CDH4: variants seen among roughly 807,000 people sequenced by gnomAD.
CDH4 encodes cadherin 4.
CDH4 carries 33 observed loss-of-function variants against 86.0 expected under a neutral mutation model. That is an observed-to-expected ratio of 0.38 (90% CI 0.29 to 0.51). CDH4 has a LOEUF of 0.51. CDH4 is among the 20% of genes least tolerant of loss of function. The probability of loss-of-function intolerance (pLI) is 0.86; values close to 1 mark genes in which losing one functional copy is unlikely to be tolerated. For synonymous variants in CDH4, 555 were observed against 549.4 expected (o/e 1.01, Z -0.14); for missense variants, 1,114 against 1,307.4 (o/e 0.85, Z 2.28).
intron 2 of CDH4, among the ~76,000 whole-genome samples, chr20:61,574,823 A>G (rs2086370687): frequency 6.6e-6 from 1 of 152,176 alleles, no homozygotes; most frequent in South Asian, 2.1e-4. Flanking sequence ...TTCTCATAGA[A>G]GTGCCAGCTG....
At chr20:61,787,094 T>A (rs1349474993) in intron 4 of CDH4, among the ~76,000 whole-genome samples, 9 of 148,232 alleles carry the variant, frequency 6.1e-5, no homozygotes, top group Admixed American at 5.4e-4. Flanking sequence ...TATCCATCCA[T>A]CCATCATCCA....
At chr20:61,734,844 G>A (rs776438329) in intron 2 of CDH4, among the ~76,000 whole-genome samples, 5 of 152,236 alleles carry the variant, frequency 3.3e-5, no homozygotes, top group Non-Finnish European at 7.3e-5. Context: ...ACAGTCACAC[G>A]AATCAACCTG....
At chr20:61,629,604 A>G (rs981969752) in intron 2 of CDH4, among the ~76,000 whole-genome samples, 5 of 152,242 alleles carry the variant, frequency 3.3e-5, no homozygotes, top group Non-Finnish European at 5.9e-5. Context: ...TTGATCTTCC[A>G]GTGACAGGGA....
intron 2 of CDH4, among the ~76,000 whole-genome samples, chr20:61,724,075 G>A (rs1299089887): frequency 1.4e-5 from 2 of 142,108 alleles, no homozygotes; most frequent in African/African-American, 2.7e-5. Flanking sequence ...GGCTCCATGC[G>A]GCAGGGCGGG....
At chr20:61,672,784 C>G (rs984081560) in intron 2 of CDH4, among the ~76,000 whole-genome samples, 1 of 151,992 alleles carries the variant, frequency 6.6e-6, no homozygotes, top group Non-Finnish European at 1.5e-5. Context: ...GGGAACCCGA[C>G]GGGGCTCAAG....
intron 2 of CDH4, among the ~76,000 whole-genome samples, chr20:61,572,444 C>T (rs1440818584): frequency 1.3e-5 from 2 of 152,126 alleles, no homozygotes; most frequent in African/African-American, 4.8e-5. Flanking sequence ...GCCTGGGGTG[C>T]AGTCAGCACG....
chr20:61,713,467 C>T lies in CDH4; in HGVS notation c.170-30096C>T, dbSNP rs148025438. ...TTTAAAGGCACTTTGGACACGTGTT[C>T]GTGGGGAAATCTTGGAATTCATCAT... is the stretch of plus-strand genomic sequence containing the variant. On this transcript the variant is annotated intron_variant, in intron 2 of 15. Transcript: ENST00000614565. Among the ~76,000 whole-genome samples the T allele has an allele frequency of 8.5e-5, 13 of 152,334 alleles. No homozygotes were observed. The East Asian group carries it at 2.1e-3, about 25-fold the overall frequency.
intron 4 of CDH4, among the ~76,000 whole-genome samples, chr20:61,813,196 G>T (rs1036428946): frequency 6.6e-6 from 1 of 152,156 alleles, no homozygotes; most frequent in African/African-American, 2.4e-5. Flanking sequence ...ATTGTGGTGG[G>T]GTGACCAGTT....
At chr20:61,410,913 TCATC>T (rs2085115570) in intron 2 of CDH4, among the ~76,000 whole-genome samples, 1 of 151,272 alleles carries the variant, frequency 6.6e-6, no homozygotes, top group African/African-American at 2.4e-5. Flanking sequence ...ATTCATCCAG[TCATC>T]CATCCATTCA....
intron 2 of CDH4, among the ~76,000 whole-genome samples, chr20:61,478,704 T>A (rs573087079): frequency 1.3e-5 from 2 of 152,320 alleles, no homozygotes; most frequent in African/African-American, 4.8e-5. Flanking sequence ...CAGCAAGAGA[T>A]CACGGTGACG....
intron 9 of CDH4, among the ~76,000 whole-genome samples, chr20:61,919,906 TC>T (rs1171994825): frequency 5.0e-4 from 2 of 4,040 alleles, no homozygotes; most frequent in Non-Finnish European, 1.3e-3. Flanking sequence ...AAGCATGGTA[TC>T]GTGATTATGT....
At chr20:61,899,941 C>G (rs541214388) in intron 8 of CDH4, among the ~76,000 whole-genome samples, 1 of 152,320 alleles carries the variant, frequency 6.6e-6, no homozygotes, top group South Asian at 2.1e-4. Flanking sequence ...CTTAGGAGCC[C>G]TGGGGTCTGT....
intron 2 of CDH4, among the ~76,000 whole-genome samples, chr20:61,630,711 C>T (rs900192097): frequency 1.3e-5 from 2 of 152,230 alleles, no homozygotes; most frequent in Non-Finnish European, 2.9e-5. Context: ...CAAGAACCAA[C>T]TTATGGATTA....
chr20:61,280,020 G>A (rs1186030057), intron 2 of CDH4, among the ~76,000 whole-genome samples: 1 of 152,140 alleles, frequency 6.6e-6, no homozygotes, highest in African/African-American at 2.4e-5. Flanking sequence ...GGGGTTGCCT[G>A]CAGCTGTGTG....
chr20:61,360,433 C>T (rs1234509163), intron 2 of CDH4, among the ~76,000 whole-genome samples: 5 of 152,196 alleles, frequency 3.3e-5, no homozygotes, highest in Non-Finnish European at 5.9e-5. Flanking sequence ...TGAGCCTCTG[C>T]TTCCATCAGC....
intron 2 of CDH4, among the ~76,000 whole-genome samples, chr20:61,431,448 C>G (rs2085246184): frequency 6.6e-6 from 1 of 151,052 alleles, no homozygotes; most frequent in Non-Finnish European, 1.5e-5. Flanking sequence ...CAGCCTCGAC[C>G]TCCCAGTTTC....
chr20:61,815,424 G>A (rs536989042), intron 4 of CDH4, among the ~76,000 whole-genome samples: 173 of 152,320 alleles, frequency 1.1e-3, no homozygotes, highest in African/African-American at 3.6e-3. Context: ...GAAGCCGCCC[G>A]TCGCTGTTTT....
At chr20:61,856,678 C>G (rs567032497) in intron 6 of CDH4, among the ~76,000 whole-genome samples, 38 of 152,356 alleles carry the variant, frequency 2.5e-4, no homozygotes, top group African/African-American at 7.5e-4. Context: ...ACCCCACACT[C>G]TTATCCAGCC....
At chr20:61,795,385 T>A (rs1451986548) in intron 4 of CDH4, among the ~76,000 whole-genome samples, 1 of 151,944 alleles carries the variant, frequency 6.6e-6, no homozygotes, top group African/African-American at 2.4e-5. Flanking sequence ...ATGGAATGAT[T>A]ACTGTGAATG....
Sources: allele counts gnomAD v4.1 joint callset (sites outside exome capture counted in the v4.1 genomes callset), GRCh38; gene constraint gnomAD v4.1.1; transcripts MANE v1.5; gene names NCBI Gene and HGNC (gene_info 2026-07-23, HGNC 2026-07-21).